The following TBX1 variants were observed in gnomAD, a reference collection of about 807,000 sequenced individuals.
The protein encoded by TBX1 is T-box transcription factor TBX1.
A neutral mutation model predicts 40.8 loss-of-function variants in TBX1; 16 were observed. The ratio of observed to expected loss-of-function variants is 0.39; its 90% CI spans 0.27 to 0.60. The LOEUF (loss-of-function observed/expected upper bound fraction) is 0.60. Ranked by LOEUF, TBX1 falls within the 20% of genes least tolerant of loss-of-function variation. The pLI, the probability that TBX1 is intolerant of heterozygous loss-of-function variation, is 0.51. For missense variants in TBX1, 755 were observed against 728.5 expected (o/e 1.04, Z -0.42); for synonymous variants, 403 against 336.8 (o/e 1.20, Z -2.15).
downstream of TBX1, among the ~76,000 whole-genome samples, chr22:19,780,530 T>C (rs922578186): frequency 2.0e-5 from 3 of 152,214 alleles, no homozygotes; most frequent in Non-Finnish European, 4.4e-5. Flanking sequence ...AATGGACACT[T>C]GGGTTGCTCC....
At chr22:19,779,990 C>T (rs1346952300), downstream of TBX1, among the ~76,000 whole-genome samples, 5 of 152,142 alleles carry the variant, frequency 3.3e-5, no homozygotes, top group African/African-American at 9.7e-5. Context: ...TTTTTTAAAT[C>T]GACATATAAA....
In TBX1 at chr22:19,767,150, G is replaced by C; in HGVS notation, c.*283G>C. 1.6e-6 allele frequency: 2 copies of C among 1,239,308 alleles called. No individual in the cohort carries two copies. The allele number at this position is 1,239,308 out of a possible 1,614,324, so 76.8% of individuals were successfully genotyped here. The stretch of plus-strand genomic sequence containing the variant: ...CCCGCCAGTGCCAAAGCGCCCGGTC[G>C]GAGGCGGAAGGAAGTGATATTTATT... On this transcript the variant is annotated 3_prime_UTR_variant, in exon 7 of 7. Coordinates refer to ENST00000649276, the MANE Select transcript of TBX1 (RefSeq NM_001379200.1).
At chr22:19,758,613 G>T (rs1035932024), upstream of TBX1, among the ~76,000 whole-genome samples, 5 of 152,194 alleles carry the variant, frequency 3.3e-5, no homozygotes, top group Admixed American at 2.0e-4. Flanking sequence ...CCAGTGGCCT[G>T]AAGTTCTCCA....
At position 19,766,912 on chromosome 22, in the gene TBX1, A is replaced by C; in HGVS notation, c.*45A>C. 2.5e-6 allele frequency: 4 copies of C among 1,571,288 alleles called. No homozygotes were observed. The highest frequency in any genetic ancestry group is 3.4e-6 in the Non-Finnish European group (4 of 1,167,016). On this transcript the variant is annotated 3_prime_UTR_variant, in exon 7 of 7. Transcript: ENST00000649276. ...CCGCCCCGGTCCTGCACAGCCCCGA[A>C]GTTCGCCGGGCCCGGCCACCCTGCC...
At chr22:19,779,864 C>T (rs997326973), downstream of TBX1, among the ~76,000 whole-genome samples, 1 of 152,244 alleles carries the variant, frequency 6.6e-6, no homozygotes, top group Admixed American at 6.5e-5. Flanking sequence ...CCACATCACT[C>T]GGGAAAAGCC....
At chr22:19,764,852 C>A in intron 3 of TBX1, 106 bp from the exon 4 acceptor site, 1 of 1,398,282 alleles carries the variant, frequency 7.2e-7, no homozygotes, top group Non-Finnish European at 1.0e-6. Flanking sequence ...CCCAACTCAT[C>A]CAGGAAACTC....
chr22:19,763,851 C>T (rs552934101), intron 2 of TBX1: 1 of 526,602 alleles, frequency 1.9e-6, no homozygotes, highest in African/African-American at 1.9e-5. Context: ...GGGCTCCCAC[C>T]GCAGCGGCAC....
downstream of TBX1, among the ~76,000 whole-genome samples, chr22:19,770,738 C>A (rs1936976276): frequency 6.6e-6 from 1 of 152,194 alleles, no homozygotes; most frequent in South Asian, 2.1e-4. Flanking sequence ...AGGTGTGCCG[C>A]AGATCAAAGC....
intron 8 of TBX1, among the ~76,000 whole-genome samples, chr22:19,777,681 C>A (rs1440045411): frequency 6.6e-6 from 1 of 152,080 alleles, no homozygotes; most frequent in African/African-American, 2.4e-5. Flanking sequence ...TTCGTCTCCC[C>A]CTCTCCATCC....
chr22:19,764,238 C>T lies in TBX1; in HGVS notation c.623C>T (p.Ser208Leu), dbSNP rs1936759742. ...GGCCGCGTGCACTACCACCCGGACTCGCCTGCCAAGGGCGCGCAGTGGATG... is the reference window on the plus strand; with the variant it reads ...GGCCGCGTGCACTACCACCCGGACTTGCCTGCCAAGGGCGCGCAGTGGATG... ...TPGRVHYHPD[S>L]PAKGAQWMKQ... The change falls in exon 3 of 7, where the codon TCG becomes TTG. Residue 208 changes from serine (S) to leucine (L), a missense_variant. Ser to Leu is a moderately radical substitution (Grantham distance 145). Coordinates refer to ENST00000649276, the MANE Select transcript of TBX1 (RefSeq NM_001379200.1). The T allele has an allele frequency of 6.2e-7, 1 of 1,613,280 alleles. No individual in the cohort carries two copies. Among genetic ancestry groups the T allele is most frequent in the Non-Finnish European group, 8.5e-7 (1 of 1,179,952 alleles).
At chr22:19,760,756 C>A, upstream of TBX1, 1 of 245,580 alleles carries the variant, frequency 4.1e-6, no homozygotes, top group Non-Finnish European at 6.1e-6. Context: ...CGGCCCGGGG[C>A]GCACGCAGCG....
upstream of TBX1, among the ~76,000 whole-genome samples, chr22:19,757,853 T>C (rs1239647361): frequency 3.3e-5 from 5 of 152,174 alleles, no homozygotes; most frequent in African/African-American, 1.2e-4. Flanking sequence ...GTCACTGTCA[T>C]GGCCCAGAAT....
At chr22:19,760,205 G>T (rs1936596383), upstream of TBX1, among the ~76,000 whole-genome samples, 1 of 122,934 alleles carries the variant, frequency 8.1e-6, no homozygotes, top group Non-Finnish European at 1.7e-5. Context: ...AAAAAGGAAA[G>T]ACTTTAGTTT....
Position 19,765,780 on chromosome 22 carries a change from G to A in TBX1, c.890G>A (p.Ser297Asn), listed in dbSNP as rs764891073. ...NHRITQLKIA[S>N]NPFAKGFRDC... Reference sequence around the variant, plus strand: ...CAGATCACGCAGCTCAAGATTGCCAGCAATCCCTTCGCGAAAGGCTTCCGG... The same window carrying A: ...CAGATCACGCAGCTCAAGATTGCCAACAATCCCTTCGCGAAAGGCTTCCGG... Residue 297 changes from serine to asparagine, a missense_variant, in exon 5 of 7, where the codon AGC (serine) becomes AAC (asparagine). Coordinates refer to ENST00000649276, the MANE Select transcript of TBX1 (RefSeq NM_001379200.1). 3 of 1,611,962 alleles carry A rather than the reference G, an allele frequency of 1.9e-6. No homozygotes were observed. Among genetic ancestry groups the A allele is most frequent in the Non-Finnish European group, 2.5e-6 (3 of 1,179,346 alleles).
At chr22:19,768,936 C>T (rs1220361980), downstream of TBX1, among the ~76,000 whole-genome samples, 1 of 132,372 alleles carries the variant, frequency 7.6e-6, no homozygotes, top group Non-Finnish European at 1.6e-5. Context: ...CGCTGGCCAT[C>T]CGGGGCTGTT....
At chr22:19,774,905 C>CTT (rs34331122) in intron 8 of TBX1, among the ~76,000 whole-genome samples, 81,155 of 151,744 alleles carry the variant, frequency 0.53, 22,514 homozygotes, top group African/African-American at 0.66. Flanking sequence ...CGGGAATACA[C>CTT]AATGCCACTG....
chr22:19,769,204 G>T (rs1343310676), downstream of TBX1, among the ~76,000 whole-genome samples: 2 of 152,176 alleles, frequency 1.3e-5, no homozygotes, highest in Admixed American at 6.5e-5. Context: ...CAGGTGACCC[G>T]CCTGCCTTGG....
At chr22:19,762,496 A>G (rs1284874579) in intron 1 of TBX1, among the ~76,000 whole-genome samples, 1 of 152,246 alleles carries the variant, frequency 6.6e-6, no homozygotes, top group Non-Finnish European at 1.5e-5. Flanking sequence ...CCGTCCAGGC[A>G]CTGCAGAATG....
upstream of TBX1, chr22:19,759,470 C>G (rs1022268458): frequency 4.7e-5 from 68 of 1,432,478 alleles, no homozygotes; most frequent in Non-Finnish European, 5.8e-5. Flanking sequence ...TCGGAGGCGG[C>G]GCCGGCCAGG....
Sources: allele counts gnomAD v4.1 joint callset (sites outside exome capture counted in the v4.1 genomes callset), GRCh38; gene constraint gnomAD v4.1.1; transcripts MANE v1.5; gene names NCBI Gene and HGNC (gene_info 2026-07-23, HGNC 2026-07-21).